Variants in SEMA3A observed in about 807,000 individuals in gnomAD.
SEMA3A encodes semaphorin-3A.
Under a neutral mutation model 97.9 loss-of-function variants are expected in SEMA3A, and 29 were observed. That is an observed-to-expected ratio of 0.30 (90% CI 0.22 to 0.40). The LOEUF is 0.40. Among genes scored for constraint, SEMA3A ranks in the 10% least tolerant of loss-of-function variants. The pLI, the probability that SEMA3A is intolerant of heterozygous loss-of-function variation, is 1.00. For synonymous variants in SEMA3A, 321 were observed against 323.7 expected (o/e 0.99, Z 0.09); for missense variants, 763 against 951.3 (o/e 0.80, Z 2.60).
chr7:84,005,562 TTAAGA>T lies in SEMA3A; in HGVS notation c.1141-9_1141-5del. The stretch of plus-strand genomic sequence containing the variant: ...CACCAAATGTTTTGCTGGGACACTA[TTAAGA>T]TAAAGAGAAAATTATCTTTTGATTA... On this transcript the variant is annotated splice_polypyrimidine_tract_variant and splice_region_variant and intron_variant, in intron 10 of 16. Transcript: ENST00000265362. The T allele has an allele frequency of 6.3e-7, 1 of 1,582,968 alleles. No homozygotes were observed. Among genetic ancestry groups the T allele is most frequent in the East Asian group, 2.2e-5 (1 of 44,698 alleles).
chr7:84,309,540 T>C (rs1247616163), intron 2 of SEMA3A, among the ~76,000 whole-genome samples: 1 of 152,154 alleles, frequency 6.6e-6, no homozygotes, highest in African/African-American at 2.4e-5. Context: ...TAAAGTCCTC[T>C]TGACTTCTAC....
chr7:84,390,368 A>ATTATTATTATG (rs1562929747), intron 1 of SEMA3A, among the ~76,000 whole-genome samples: 2 of 104,798 alleles, frequency 1.9e-5, no homozygotes, highest in African/African-American at 7.8e-5. Flanking sequence ...TTATTATTAT[A>ATTATTATTATG]GCAGCTGGGA....
At chr7:84,456,677 A>G (rs1805695144) in intron 1 of SEMA3A, among the ~76,000 whole-genome samples, 1 of 151,826 alleles carries the variant, frequency 6.6e-6, no homozygotes, top group Non-Finnish European at 1.5e-5. Flanking sequence ...TCATTGGTAA[A>G]TTGTTCAATT....
chr7:84,485,268 T>C (rs1240871871), intron 1 of SEMA3A, among the ~76,000 whole-genome samples: 1 of 152,194 alleles, frequency 6.6e-6, no homozygotes, highest in African/African-American at 2.4e-5. Context: ...TTGGATGTGA[T>C]AAAATATACT....
intron 4 of SEMA3A, among the ~76,000 whole-genome samples, chr7:84,068,850 A>G (rs1030333175): frequency 6.6e-6 from 1 of 152,062 alleles, no homozygotes; most frequent in African/African-American, 2.4e-5. Flanking sequence ...AAGATGAAAA[A>G]CTATCCTTCG....
chr7:84,492,525 G>T (rs1806760791), exon 1 of SEMA3A: 2 of 152,180 alleles, frequency 1.3e-5, no homozygotes, highest in South Asian at 4.1e-4. Flanking sequence ...CTAGCTCCAG[G>T]TTGCCCTCCA....
chr7:84,208,417 A>T (rs546572988), intron 3 of SEMA3A, among the ~76,000 whole-genome samples: 5 of 54,636 alleles, frequency 9.2e-5, no homozygotes, highest in African/African-American at 2.7e-4. Flanking sequence ...CTGCCACTGC[A>T]GTCCAGCCTG....
chr7:84,257,175 C>T lies in SEMA3A; in HGVS notation c.-83+50032G>A, dbSNP rs182676052. Among the ~76,000 whole-genome samples the T allele has an allele frequency of 1.2e-4, 18 of 152,014 alleles. No individual in the cohort carries two copies. The East Asian group carries it at 3.3e-3, about 28-fold the overall frequency. On this transcript the variant is annotated intron_variant, in intron 3 of 3. Coordinates refer to the SEMA3A transcript ENST00000424555. Reference sequence around the variant, plus strand: ...CTATAGCAGCTAAAGGTTTGGTCCTCCTAAATCACACAAGATTTTTTTTAA... The same window carrying T: ...CTATAGCAGCTAAAGGTTTGGTCCTTCTAAATCACACAAGATTTTTTTTAA...
At chr7:84,025,325 A>C (rs1178695692) in intron 6 of SEMA3A, among the ~76,000 whole-genome samples, 1 of 152,224 alleles carries the variant, frequency 6.6e-6, no homozygotes, top group Non-Finnish European at 1.5e-5. Context: ...GGGAATAATT[A>C]TCACCAGATG....
At chr7:84,134,769 A>T in intron 2 of SEMA3A, 25 bp downstream of exon 2, 1 of 1,520,896 alleles carries the variant, frequency 6.6e-7, no homozygotes, top group Non-Finnish European at 9.0e-7. Flanking sequence ...AAATAACTAT[A>T]GTGCATATAT....
intron 2 of SEMA3A, among the ~76,000 whole-genome samples, chr7:84,308,291 A>C (rs1801217242): frequency 6.6e-6 from 1 of 152,158 alleles, no homozygotes; most frequent in Admixed American, 6.6e-5. Context: ...AATTTAGTGA[A>C]TTATTTTAAG....
intron 11 of SEMA3A, among the ~76,000 whole-genome samples, chr7:84,002,307 G>A (rs1790491002): frequency 1.3e-5 from 2 of 152,082 alleles, no homozygotes; most frequent in South Asian, 4.1e-4. Context: ...CTTGAAGAAG[G>A]TTTTATCATG....
intron 12 of SEMA3A, among the ~76,000 whole-genome samples, chr7:83,992,282 T>G (rs1393474981): frequency 2.0e-5 from 3 of 149,454 alleles, no homozygotes; most frequent in Non-Finnish European, 4.4e-5. Context: ...CCTGGATTCA[T>G]TCATTTTTTG....
chr7:84,323,598 AT>A (rs1801704671), intron 2 of SEMA3A, among the ~76,000 whole-genome samples: 1 of 152,018 alleles, frequency 6.6e-6, no homozygotes, highest in Non-Finnish European at 1.5e-5. Context: ...CTCTGAAAAA[AT>A]AGTATAAAAT....
At chr7:84,127,810 A>G (rs1022600030) in intron 3 of SEMA3A, among the ~76,000 whole-genome samples, 1 of 152,186 alleles carries the variant, frequency 6.6e-6, no homozygotes, top group Non-Finnish European at 1.5e-5. Flanking sequence ...GAAAATATCT[A>G]TGTATCTATA....
At chr7:83,969,316 C>T (rs555969712) in intron 15 of SEMA3A, among the ~76,000 whole-genome samples, 3 of 151,948 alleles carry the variant, frequency 2.0e-5, no homozygotes, top group African/African-American at 7.3e-5. Context: ...AATCCTACTC[C>T]CCTACAACCA....
chr7:84,016,916 G>C (rs1791127855), intron 6 of SEMA3A, among the ~76,000 whole-genome samples: 1 of 152,146 alleles, frequency 6.6e-6, no homozygotes, highest in Non-Finnish European at 1.5e-5. Flanking sequence ...TTTAATACTG[G>C]AACAATGGAG....
intron 3 of SEMA3A, among the ~76,000 whole-genome samples, chr7:84,299,414 C>G (rs1405577413): frequency 6.7e-6 from 1 of 149,346 alleles, no homozygotes; most frequent in Non-Finnish European, 1.5e-5. Flanking sequence ...TTCTGTGCCT[C>G]TAGAGAGCCC....
Position 84,007,503 on chromosome 7 carries a change from C to T in SEMA3A, c.996-6G>A. On this transcript the variant is annotated splice_polypyrimidine_tract_variant and splice_region_variant and intron_variant, in intron 9 of 16. Coordinates refer to ENST00000265362, the MANE Select transcript of SEMA3A (RefSeq NM_006080.3). ...CTGATCCCTTGAAAATGTTACTGAA[C>T]AAGACAGCAAGAATAAAAACAGAAG... 1 of 1,520,288 alleles carries T rather than the reference C, an allele frequency of 6.6e-7. No individual in the cohort carries two copies. The allele number at this position is 1,520,288 out of a possible 1,614,324, so 94.2% of individuals were successfully genotyped here.
Sources: gnomAD v4.1 joint callset for allele counts (sites outside exome capture counted in the v4.1 genomes callset) on GRCh38, gnomAD v4.1.1 for gene constraint, MANE v1.5 for transcripts, NCBI Gene and HGNC (gene_info 2026-07-23, HGNC 2026-07-21) for gene names.